The following CCDC141 variants were observed in gnomAD, a reference collection of about 807,000 sequenced individuals.
CCDC141 encodes coiled-coil domain containing 141, also known as coiled-coil domain-containing protein 141.
A neutral mutation model predicts 181.0 loss-of-function variants in CCDC141; 168 were observed. The observed-to-expected ratio is 0.93, with a 90% CI of 0.82 to 1.05. The LOEUF is 1.05. CCDC141 is among the 50% of genes least tolerant of loss of function. The pLI is 0.00. For missense variants in CCDC141, 1,902 were observed against 1,788.5 expected, an observed-to-expected ratio of 1.06 and a Z score of -1.14; for synonymous variants, 666 against 642.3, an observed-to-expected ratio of 1.04 and a Z score of -0.56.
intron 14 of CCDC141, among the ~76,000 whole-genome samples, chr2:178,870,009 A>C (rs1686039468): frequency 6.6e-6 from 1 of 152,172 alleles, no homozygotes; most frequent in Non-Finnish European, 1.5e-5. Context: ...AGGAGGGTGG[A>C]CCACCTGAAG....
chr2:178,868,587 T>C (rs1261498251), intron 15 of CCDC141, among the ~76,000 whole-genome samples: 1 of 133,338 alleles, frequency 7.5e-6, no homozygotes, highest in African/African-American at 2.9e-5. Flanking sequence ...TAGCACTCCA[T>C]GATGTCAGGT....
At chr2:178,911,062 C>T (rs1486052020) in intron 7 of CCDC141, among the ~76,000 whole-genome samples, 1 of 152,116 alleles carries the variant, frequency 6.6e-6, no homozygotes, top group Non-Finnish European at 1.5e-5. Context: ...CTAAGTTGAC[C>T]TAAATGACTT....
intron 8 of CCDC141, among the ~76,000 whole-genome samples, chr2:178,903,596 G>C (rs1357141235): frequency 8.3e-6 from 1 of 120,414 alleles, no homozygotes; most frequent in African/African-American, 3.1e-5. Context: ...TCACACTCTG[G>C]GGACTGTTGT....
intron 22 of CCDC141, 99 bp downstream of exon 22, chr2:178,845,526 TA>T: frequency 1.4e-6 from 1 of 703,284 alleles, no homozygotes; most frequent in Non-Finnish European, 2.5e-6. Flanking sequence ...TCTATTTGGA[TA>T]GATAAGAAAG....
chr2:178,953,514 C>G (rs116442691), intron 5 of CCDC141, among the ~76,000 whole-genome samples: 119 of 152,088 alleles, frequency 7.8e-4, no homozygotes, highest in Middle Eastern at 3.4e-3. Context: ...TCCAGGAATA[C>G]TACCCCTTGG....
intron 22 of CCDC141, among the ~76,000 whole-genome samples, chr2:178,844,086 G>A (rs546691707): frequency 6.6e-6 from 1 of 152,176 alleles, no homozygotes; most frequent in Non-Finnish European, 1.5e-5. Context: ...ATAAAAGCAA[G>A]AAAAACTACT....
At chr2:178,869,337 C>A (rs749805329) in intron 14 of CCDC141, 32 bp from the exon 15 acceptor site, 24 of 1,527,402 alleles carry the variant, frequency 1.6e-5, no homozygotes, top group Non-Finnish European at 2.1e-5. Flanking sequence ...AAAAATCTTG[C>A]TATTAAAGAA....
chr2:178,956,914 G>C (rs1283083648), intron 5 of CCDC141, among the ~76,000 whole-genome samples: 1 of 150,878 alleles, frequency 6.6e-6, no homozygotes, highest in African/African-American at 2.4e-5. Flanking sequence ...AGTTTTGTTC[G>C]TGTTGCCCGG....
Position 178,882,741 on chromosome 2 carries a change from A to G in CCDC141, c.1719+2160T>C, listed in dbSNP as rs58860634. ...GGCCCGTGCATTTGTAACGGGGCCA[A>G]TCAGCACAATTGTATGATTTTCCAC... On this transcript the variant is annotated intron_variant, in intron 11 of 23. Coordinates refer to ENST00000443758, the MANE Select transcript of CCDC141 (RefSeq NM_173648.4). Among the ~76,000 whole-genome samples the G allele has an allele frequency of 3.3e-3, 499 of 152,278 alleles. 4 individuals are homozygous for G. Among genetic ancestry groups the G allele is most frequent in the African/African-American group, 0.011 (446 of 41,552 alleles).
At chr2:179,022,788 C>A (rs1445692071) in intron 2 of CCDC141, among the ~76,000 whole-genome samples, 1 of 152,052 alleles carries the variant, frequency 6.6e-6, no homozygotes, top group African/African-American at 2.4e-5. Flanking sequence ...GTGTGTGTGT[C>A]CCTTCCAATG....
chr2:178,873,372 T>C (rs1338880900), intron 12 of CCDC141: 1 of 152,064 alleles, frequency 6.6e-6, no homozygotes, highest in Non-Finnish European at 1.5e-5. Flanking sequence ...AACGTTATAT[T>C]CCCTCATTAT....
At chr2:178,895,819 A>G (rs572427623) in intron 8 of CCDC141, among the ~76,000 whole-genome samples, 1 of 152,364 alleles carries the variant, frequency 6.6e-6, no homozygotes, top group Admixed American at 6.5e-5. Flanking sequence ...AGTACAGTTC[A>G]TATAAAATGC....
chr2:178,887,147 T>A (rs1012403175), intron 9 of CCDC141, among the ~76,000 whole-genome samples: 1 of 152,196 alleles, frequency 6.6e-6, no homozygotes, highest in African/African-American at 2.4e-5. Context: ...ATCATCCACA[T>A]CCTCTAAGAA....
chr2:178,961,234 T>C lies in CCDC141; in HGVS notation c.776A>G (p.Asn259Ser). 6.5e-7 allele frequency: 1 copy of C among 1,550,084 alleles called. No individual in the cohort carries two copies. Among genetic ancestry groups the C allele is most frequent in the Non-Finnish European group, 8.7e-7 (1 of 1,146,634 alleles). Reference protein sequence around the residue: ...LQICQWDQQENQVTCWFQKTI... With the variant: ...LQICQWDQQESQVTCWFQKTI... Reference sequence around the variant, plus strand: ...TCCAATGCCCCTTTGGGTTACCTGGTTTTCTTGTTGGTCCCACTGACATAT... The same window carrying C: ...TCCAATGCCCCTTTGGGTTACCTGGCTTTCTTGTTGGTCCCACTGACATAT... The change falls in exon 5 of 24, where the codon AAC becomes AGC. Residue 259 changes from asparagine to serine, a missense_variant. By Grantham distance (46) the Asn-to-Ser change is conservative. Coordinates refer to ENST00000443758, the MANE Select transcript of CCDC141 (RefSeq NM_173648.4).
intron 22 of CCDC141, among the ~76,000 whole-genome samples, chr2:178,839,134 C>G (rs1684612528): frequency 6.6e-6 from 1 of 152,194 alleles, no homozygotes; most frequent in Admixed American, 6.6e-5. Flanking sequence ...GAAAATAAGA[C>G]TGGGTGCGGT....
intron 2 of CCDC141, among the ~76,000 whole-genome samples, chr2:179,019,637 T>G (rs1384983030): frequency 2.0e-5 from 3 of 152,174 alleles, no homozygotes; most frequent in Non-Finnish European, 2.9e-5. Flanking sequence ...TATTCTATAG[T>G]AGGAAACTAC....
At chr2:178,967,866 TA>T (rs1690709178) in intron 4 of CCDC141, among the ~76,000 whole-genome samples, 1 of 151,896 alleles carries the variant, frequency 6.6e-6, no homozygotes, top group Admixed American at 6.6e-5. Flanking sequence ...AAGACACACA[TA>T]GGCTCAAAAT....
At chr2:179,011,220 C>G (rs987446144) in intron 2 of CCDC141, among the ~76,000 whole-genome samples, 2 of 151,826 alleles carry the variant, frequency 1.3e-5, no homozygotes, top group African/African-American at 4.8e-5. Flanking sequence ...CTATCTGCTG[C>G]CTTCAGGAGA....
downstream of CCDC141, among the ~76,000 whole-genome samples, chr2:178,827,087 A>G (rs1165820975): frequency 2.6e-5 from 4 of 152,150 alleles, no homozygotes; most frequent in Non-Finnish European, 5.9e-5. Flanking sequence ...ATATCTAAAA[A>G]TCCTTATTGA....
Sources: gnomAD v4.1 joint callset for allele counts (sites outside exome capture counted in the v4.1 genomes callset) on GRCh38, gnomAD v4.1.1 for gene constraint, MANE v1.5 for transcripts, NCBI Gene and HGNC (gene_info 2026-07-23, HGNC 2026-07-21) for gene names.